MEI1: variants seen among roughly 807,000 people sequenced by gnomAD.
The protein encoded by MEI1 is meiotic double-stranded break formation protein 1, also known as meiosis inhibitor protein 1.
A neutral mutation model predicts 146.2 loss-of-function variants in MEI1; 103 were observed. That is an observed-to-expected ratio of 0.70 (90% confidence interval 0.60 to 0.83). The LOEUF is 0.83. Among genes scored for constraint, MEI1 ranks in the 40% least tolerant of loss-of-function variants. The pLI, the probability that MEI1 is intolerant of heterozygous loss-of-function variation, is 0.00. For missense variants in MEI1, 1,529 were observed against 1,533.0 expected (o/e 1.00, Z 0.04); for synonymous variants, 652 against 628.2 (o/e 1.04, Z -0.57).
At chr22:41,794,034 T>G in intron 27 of MEI1, 124 bp downstream of exon 27, 3 of 946,278 alleles carry the variant, frequency 3.2e-6, no homozygotes, top group Non-Finnish European at 3.3e-6. Flanking sequence ...TTTAATTCTT[T>G]TAGCAGCACT....
chr22:41,781,224 C>A, intron 22 of MEI1, 60 bp from the exon 23 acceptor site: 1 of 1,227,846 alleles, frequency 8.1e-7, no homozygotes. Flanking sequence ...CGCAGGCTAC[C>A]ACCTATGACA....
chr22:41,706,131 G>A (rs112542408), intron 3 of MEI1, among the ~76,000 whole-genome samples: 3,687 of 152,134 alleles, frequency 0.024, 170 homozygotes, highest in African/African-American at 0.084. Flanking sequence ...CAATCTTCCC[G>A]CCTCAGCCTC....
In MEI1 at chr22:41,723,923, C is replaced by T; in HGVS notation, c.734-20C>T. ...GCCTGTGTTCCTCTTGCCTTACTTC[C>T]CAATCCCTTTGTTTCCTAGGTTTGC... On this transcript the variant is annotated intron_variant, in intron 6 of 30. Transcript: ENST00000401548. 3 of 1,578,826 alleles carry T rather than the reference C, an allele frequency of 1.9e-6. No individual in the cohort carries two copies. Among genetic ancestry groups the T allele is most frequent in the Non-Finnish European group, 2.6e-6 (3 of 1,161,718 alleles).
At chr22:41,705,805 T>G (rs555107756) in intron 3 of MEI1, among the ~76,000 whole-genome samples, 27 of 151,428 alleles carry the variant, frequency 1.8e-4, no homozygotes, top group Non-Finnish European at 2.9e-4. Flanking sequence ...CCTCGCGGGT[T>G]CAAGCGATTC....
At chr22:41,714,699 C>T (rs895549471) in intron 4 of MEI1, among the ~76,000 whole-genome samples, 11 of 139,754 alleles carry the variant, frequency 7.9e-5, no homozygotes, top group South Asian at 4.8e-4. Flanking sequence ...GGTGAAACCC[C>T]GTCTCTACTA....
chr22:41,724,029 G>T lies in MEI1; in HGVS notation c.820G>T (p.Glu274Ter), dbSNP rs368775604. The T allele has an allele frequency of 3.1e-6, 5 of 1,613,666 alleles. No individual in the cohort carries two copies. Among genetic ancestry groups the T allele is most frequent in the African/African-American group, 1.3e-5 (1 of 74,892 alleles). Residue 274 changes from glutamate to a stop codon, truncating the protein, a stop_gained, in exon 7 of 31, where the codon GAA (glutamate) becomes TAA (stop). Coordinates refer to ENST00000401548, the MANE Select transcript of MEI1 (RefSeq NM_152513.4). LOFTEE classifies it high-confidence loss of function. ...DGLGESAKNI[E>*]GSSGNTSLPL... The stretch of plus-strand genomic sequence containing the variant: ...ACTGGGAGAAAGTGCTAAGAATATC[G>T]AAGGGTCATCAGGAAATACCTCACT...
At chr22:41,708,951 C>T (rs537535341) in intron 3 of MEI1, among the ~76,000 whole-genome samples, 26 of 152,218 alleles carry the variant, frequency 1.7e-4, no homozygotes, top group Middle Eastern at 3.4e-3. Context: ...AAAGTGGCCA[C>T]GTGTGTCAAA....
intron 26 of MEI1, among the ~76,000 whole-genome samples, chr22:41,789,019 G>A (rs1479745896): frequency 6.6e-6 from 1 of 152,064 alleles, no homozygotes; most frequent in African/African-American, 2.4e-5. Flanking sequence ...AAATACTTTT[G>A]TATTGGTAGT....
intron 11 of MEI1, among the ~76,000 whole-genome samples, chr22:41,739,342 T>C (rs950722847): frequency 1.5e-4 from 23 of 152,314 alleles, no homozygotes; most frequent in Non-Finnish European, 2.2e-4. Flanking sequence ...AAACTGGTAT[T>C]TCTTGTTCCC....
intron 11 of MEI1, among the ~76,000 whole-genome samples, chr22:41,738,790 T>A (rs8139865): frequency 7.3e-5 from 9 of 123,498 alleles, no homozygotes; most frequent in South Asian, 2.6e-4. Context: ...AATAAATAAA[T>A]AAATAAGTAA....
chr22:41,726,051 G>A (rs961760255), intron 7 of MEI1, among the ~76,000 whole-genome samples: 12 of 152,250 alleles, frequency 7.9e-5, no homozygotes, highest in East Asian at 5.8e-4. Context: ...AGACCGGGAC[G>A]GGTGGATCAC....
intron 19 of MEI1, among the ~76,000 whole-genome samples, chr22:41,769,565 C>T (rs940483368): frequency 3.3e-5 from 5 of 151,990 alleles, no homozygotes; most frequent in East Asian, 2.0e-4. Flanking sequence ...CTCTGCCTCC[C>T]GGGTTCAAGT....
At chr22:41,753,825 C>A in intron 16 of MEI1, 124 bp from the exon 17 acceptor site, 1 of 730,852 alleles carries the variant, frequency 1.4e-6, no homozygotes, top group Non-Finnish European at 2.4e-6. Flanking sequence ...CTGCCACGGC[C>A]ATGGCTAGAA....
chr22:41,768,021 A>C (rs757052343), intron 19 of MEI1, among the ~76,000 whole-genome samples: 9 of 152,176 alleles, frequency 5.9e-5, no homozygotes, highest in Non-Finnish European at 1.0e-4. Context: ...TGCCTTAGCT[A>C]AGTCATATGG....
At chr22:41,742,088 C>T (rs1037142549) in intron 11 of MEI1, among the ~76,000 whole-genome samples, 3 of 151,788 alleles carry the variant, frequency 2.0e-5, no homozygotes, top group Admixed American at 2.0e-4. Context: ...GGTGAAATCT[C>T]ATCTCTACTA....
chr22:41,733,197 C>A (rs933548870), intron 11 of MEI1, among the ~76,000 whole-genome samples: 1 of 152,210 alleles, frequency 6.6e-6, no homozygotes, highest in African/African-American at 2.4e-5. Context: ...CACCTGTAAT[C>A]CCAGCACTTT....
intron 13 of MEI1, among the ~76,000 whole-genome samples, chr22:41,745,332 A>AC (rs2147781971): frequency 6.6e-6 from 1 of 152,032 alleles, no homozygotes; most frequent in East Asian, 1.9e-4. Context: ...GTTCCCCACC[A>AC]CCCCCCAACT....
intron 22 of MEI1, among the ~76,000 whole-genome samples, chr22:41,779,833 C>A (rs1301304796): frequency 6.6e-6 from 1 of 152,118 alleles, no homozygotes; most frequent in African/African-American, 2.4e-5. Flanking sequence ...CAAACCTCCT[C>A]GGTTTCTCAA....
rs904429794 is a variant in MEI1, at chr22:41,776,585, G to A, written c.2710+318G>A. ...CAGCCCCCTGTGGGAAGAAGAAAGT[G>A]AGAAATCTGGAGGAGGATGGAGGCA... On this transcript the variant is annotated intron_variant, in intron 21 of 30. Transcript: ENST00000401548. Among the ~76,000 whole-genome samples, 59 of 152,168 alleles carry A rather than the reference G, an allele frequency of 3.9e-4. 2 individuals carry two copies. The highest frequency in any genetic ancestry group is 8.8e-5 in the Non-Finnish European group (6 of 68,028).
Sources: allele counts gnomAD v4.1 joint callset (sites outside exome capture counted in the v4.1 genomes callset), GRCh38; gene constraint gnomAD v4.1.1; transcripts MANE v1.5; gene names NCBI Gene and HGNC (gene_info 2026-07-23, HGNC 2026-07-21).